PLAGL2: variants seen among roughly 807,000 people sequenced by gnomAD.
PLAGL2 encodes the protein PLAG1 like zinc finger 2, also known as zinc finger protein PLAGL2.
Under a neutral mutation model 29.0 loss-of-function variants are expected in PLAGL2, and 7 were observed. The ratio of observed to expected loss-of-function variants is 0.24; its 90% CI spans 0.14 to 0.45. The LOEUF is 0.45. PLAGL2 is among the 20% of genes least tolerant of loss of function. PLAGL2 has a pLI of 0.99. For missense variants in PLAGL2, 454 were observed against 648.2 expected (o/e 0.70, Z 3.25); for synonymous variants, 234 against 266.0 (o/e 0.88, Z 1.17).
chr20:32,197,096 C>T lies in PLAGL2; in HGVS notation c.847G>A (p.Val283Ile), dbSNP rs765359201. The change falls in exon 3 of 3, where the codon GTA (valine) becomes ATA (isoleucine). Residue 283 changes from valine (V) to isoleucine (I), a missense_variant. Val to Ile is a conservative substitution (Grantham distance 29). This residue lies in a region of PLAGL2 where 247 missense variants were observed against 350.3 expected (regional missense o/e 0.71). Coordinates refer to ENST00000246229, the MANE Select transcript of PLAGL2 (RefSeq NM_002657.3). The surrounding 1 kb of genome is among the most constrained non-coding windows in gnomAD (Gnocchi z 6.6). ...SPVLCMASRD[V>I]MGTKAFPGML... ...CCAGGGAAGGCCTTGGTCCCCATTA[C>T]GTCCCGAGAGGCCATGCACAGCACA... 35 of 1,614,082 alleles carry T rather than the reference C, an allele frequency of 2.2e-5. No homozygotes were observed. In the Admixed American group the frequency reaches 2.5e-4, roughly 12 times the overall value.
At chr20:32,200,616 A>T (rs1405908753) in intron 2 of PLAGL2, among the ~76,000 whole-genome samples, 1 of 151,246 alleles carries the variant, frequency 6.6e-6, no homozygotes, top group Admixed American at 6.6e-5. Flanking sequence ...TTTTTGAGAC[A>T]GTCTTGCTCT....
chr20:32,192,782 A>T lies in PLAGL2; in HGVS notation c.*3670T>A, dbSNP rs1478934601. 1 of 152,624 alleles carries T rather than the reference A, an allele frequency of 6.6e-6. No homozygotes were observed. Among genetic ancestry groups the T allele is most frequent in the Non-Finnish European group, 1.5e-5 (1 of 68,038 alleles). The allele number at this position is 152,624 out of a possible 1,614,324, so 9.5% of individuals were successfully genotyped here. The stretch of plus-strand genomic sequence containing the variant: ...ACAAAAGAGTGGCTCCAAAGCCTTG[A>T]CCGCTGGTAGGGAGGGAGAAGCATG... On this transcript the variant is annotated 3_prime_UTR_variant, in exon 3 of 3. Coordinates refer to ENST00000246229, the MANE Select transcript of PLAGL2 (RefSeq NM_002657.3).
rs1256940757 is a variant in PLAGL2, at chr20:32,197,229, G to C, written c.714C>G (p.Val238=). 1.9e-6 allele frequency: 3 copies of C among 1,614,166 alleles called. No individual in the cohort carries two copies. Among genetic ancestry groups the C allele is most frequent in the African/African-American group, 2.7e-5 (2 of 75,048 alleles). ...GCAGCTCCTGCGAGTGGCTCTTCTT[G>C]ACATGACGCGTCAGGTGGTCCTTAC... ...FGRKDHLTRH[V]KKSHSQELLK... The change falls in exon 3 of 3, where the codon GTC becomes GTG. Residue 238 remains valine (V), a synonymous_variant. Transcript: ENST00000246229. The surrounding 1 kb of genome is among the most constrained non-coding windows in gnomAD (Gnocchi z 6.6).
At chr20:32,198,130 T>C (rs2047239945) in intron 2 of PLAGL2, among the ~76,000 whole-genome samples, 1 of 152,208 alleles carries the variant, frequency 6.6e-6, no homozygotes, top group Non-Finnish European at 1.5e-5. Context: ...TTTGCTTGTA[T>C]ATGGCTAAAA....
chr20:32,197,351 G>A lies in PLAGL2; in HGVS notation c.592C>T (p.Arg198Trp). The change falls in exon 3 of 3, where the codon CGG (arginine) becomes TGG (tryptophan). Residue 198 changes from arginine (R) to tryptophan (W), a missense_variant. Arg to Trp is a moderately radical substitution (Grantham distance 101). Transcript: ENST00000246229. This position sits in a 1 kb window ranked among gnomAD's most constrained non-coding sequence, Gnocchi z 6.6. The part of the protein sequence containing the change: ...EKKHPCDHCD[R>W]RFYTRKDVRR... ...ACATCCTTACGAGTATAGAACCGCC[G>A]GTCGCAGTGGTCACAGGGGTGCTTC... is the stretch of plus-strand genomic sequence containing the variant. The A allele has an allele frequency of 3.1e-6, 5 of 1,603,582 alleles. No homozygotes were observed. Among genetic ancestry groups the A allele is most frequent in the Non-Finnish European group, 3.4e-6 (4 of 1,175,112 alleles).
In PLAGL2 at chr20:32,200,570, C is replaced by T. The variant is rs533732251; in HGVS notation, c.260+1349G>A. Among the ~76,000 whole-genome samples, 6 of 151,604 alleles carry T rather than the reference C, an allele frequency of 4.0e-5. No individual in the cohort carries two copies. In the East Asian group the frequency reaches 5.9e-4, roughly 15 times the overall value. On this transcript the variant is annotated intron_variant, in intron 2 of 2. Transcript: ENST00000246229. Reference sequence around the variant, plus strand: ...GGGCAAGTTCATGGTTCCTCTAATGCGAAAAGGATAAAATCAAAATTGCTC... The same window carrying T: ...GGGCAAGTTCATGGTTCCTCTAATGTGAAAAGGATAAAATCAAAATTGCTC...
intron 1 of PLAGL2, among the ~76,000 whole-genome samples, chr20:32,206,518 G>A (rs1569144839): frequency 6.6e-6 from 1 of 152,202 alleles, no homozygotes; most frequent in Non-Finnish European, 1.5e-5. Context: ...TTTTCATGGG[G>A]AGAAAACGTG....
At chr20:32,199,366 C>A (rs1292764389) in intron 2 of PLAGL2, among the ~76,000 whole-genome samples, 1 of 152,178 alleles carries the variant, frequency 6.6e-6, no homozygotes, top group African/African-American at 2.4e-5. Flanking sequence ...GAGGGAGGTG[C>A]TGAGTGATCC....
chr20:32,201,060 G>C (rs527570914), intron 2 of PLAGL2, among the ~76,000 whole-genome samples: 1 of 152,330 alleles, frequency 6.6e-6, no homozygotes, highest in South Asian at 2.1e-4. Flanking sequence ...CAGGGAGACA[G>C]ACATAGTTAA....
Position 32,192,954 on chromosome 20 carries a change from A to C in PLAGL2, c.*3498T>G, listed in dbSNP as rs2047208780. On this transcript the variant is annotated 3_prime_UTR_variant, in exon 3 of 3. Transcript: ENST00000246229. ...GAGGCACTAGGTTATCATGGTGAAC[A>C]CCCTTTTCCCTCGCCATAGACCCTA... 6.6e-6 allele frequency: 1 copy of C among 152,414 alleles called. No individual in the cohort carries two copies. Among genetic ancestry groups the C allele is most frequent in the African/African-American group, 2.4e-5 (1 of 41,350 alleles). 9.4% of individuals were successfully genotyped at this position (152,414 alleles called of 1,614,324 possible).
At chr20:32,206,982 C>T (rs1407013) in intron 1 of PLAGL2, among the ~76,000 whole-genome samples, 103,972 of 151,848 alleles carry the variant, frequency 0.68, 37,562 homozygotes, top group East Asian at 0.99. Flanking sequence ...ATTATAAGGG[C>T]TGGAAGGCTG....
intron 2 of PLAGL2, among the ~76,000 whole-genome samples, chr20:32,198,756 G>A (rs990371095): frequency 1.3e-5 from 2 of 152,168 alleles, no homozygotes; most frequent in African/African-American, 2.4e-5. Context: ...AAAAAAGAAA[G>A]AGAATATACA....
At position 32,197,842 on chromosome 20, in the gene PLAGL2, TTG is replaced by T. The variant is rs2047238547; in HGVS notation, c.261-162_261-161del. On this transcript the variant is annotated intron_variant, in intron 2 of 2. Transcript: ENST00000246229. The surrounding 1 kb of genome is among the most constrained non-coding windows in gnomAD (Gnocchi z 6.6). Reference sequence around the variant, plus strand: ...AACCAGTTATATTCTACAGATATCCTTGCCTATCTGCAAAATAATGTGTACCG... The same window carrying T: ...AACCAGTTATATTCTACAGATATCCTCCTATCTGCAAAATAATGTGTACCG... 2.6e-5 allele frequency among the ~76,000 whole-genome samples: 4 copies of T among 152,362 alleles called. No homozygotes were observed. The South Asian group carries it at 8.3e-4, about 32-fold the overall frequency.
In PLAGL2 at chr20:32,202,001, G is replaced by C. The variant is rs762533924; in HGVS notation, c.178C>G (p.Leu60Val). The C allele has an allele frequency of 1.2e-6, 2 of 1,614,124 alleles. No homozygotes were observed. Among genetic ancestry groups the C allele is most frequent in the East Asian group, 4.5e-5 (2 of 44,882 alleles). The stretch of plus-strand genomic sequence containing the variant: ...TATGGTCTCTGCTCTGGTTGCGGGA[G>C]GCTGTGAGGCCTCAGCTTCTCCCCA... ...SNGEKLRPHS[L>V]PQPEQRPYSC... Residue 60 changes from leucine to valine, a missense_variant, in exon 2 of 3, where the codon CTC becomes GTC. Leu to Val is a conservative substitution (Grantham distance 32). Around this residue, in one of 4 missense-constraint regions of PLAGL2, gnomAD observed 89 missense variants for 90.4 expected, o/e 0.98. Transcript: ENST00000246229.
Position 32,194,547 on chromosome 20 carries a change from A to G in PLAGL2, c.*1905T>C, listed in dbSNP as rs2047218001. On this transcript the variant is annotated 3_prime_UTR_variant, in exon 3 of 3. Transcript: ENST00000246229. ...ACACACTTACTCCAAATTGCTTCTAATCAAGAGCTAGGGAGCTAAATTTTA... is the reference window on the plus strand; with the variant it reads ...ACACACTTACTCCAAATTGCTTCTAGTCAAGAGCTAGGGAGCTAAATTTTA... 6.6e-6 allele frequency: 1 copy of G among 152,644 alleles called. No homozygotes were observed. Among genetic ancestry groups the G allele is most frequent in the Admixed American group, 6.5e-5 (1 of 15,280 alleles). 9.5% of individuals were successfully genotyped at this position (152,644 alleles called of 1,614,324 possible).
chr20:32,201,995 G>T lies in PLAGL2; in HGVS notation c.184C>A (p.Gln62Lys). 1 of 1,614,076 alleles carries T rather than the reference G, an allele frequency of 6.2e-7. No homozygotes were observed. The highest frequency in any genetic ancestry group is 8.5e-7 in the Non-Finnish European group (1 of 1,179,892). ...CAGCTATATGGTCTCTGCTCTGGTT[G>T]CGGGAGGCTGTGAGGCCTCAGCTTC... ...GEKLRPHSLP[Q>K]PEQRPYSCPQ... The change falls in exon 2 of 3, where the codon CAA (glutamine) becomes AAA (lysine). Residue 62 changes from glutamine (Q) to lysine (K), a missense_variant. By Grantham distance (53) the Gln-to-Lys change is moderately conservative (BLOSUM62 1). This residue lies in a region of PLAGL2 where 89 missense variants were observed against 90.4 expected (regional missense o/e 0.98). Coordinates refer to ENST00000246229, the MANE Select transcript of PLAGL2 (RefSeq NM_002657.3).
intron 1 of PLAGL2, 90 bp from the exon 2 acceptor site, chr20:32,202,382 C>G: frequency 1.7e-6 from 1 of 588,744 alleles, no homozygotes. Context: ...AATCCCAGCC[C>G]TTCCACTTAG....
intron 2 of PLAGL2, among the ~76,000 whole-genome samples, chr20:32,199,992 G>A (rs946456200): frequency 6.6e-6 from 1 of 152,140 alleles, no homozygotes; most frequent in East Asian, 1.9e-4. Flanking sequence ...GCCTATTTTA[G>A]TCCCTTCCTA....
rs2047224066 is a variant in PLAGL2, at chr20:32,195,681, T to G, written c.*771A>C. The G allele has an allele frequency of 6.6e-6, 1 of 152,568 alleles. No homozygotes were observed. The allele number at this position is 152,568 out of a possible 1,614,324, so 9.5% of individuals were successfully genotyped here. ...AAATGTGACCTCAAATGAAGAGAAG[T>G]CAGCAAGCCCCGACTCCACCTTGTA... On this transcript the variant is annotated 3_prime_UTR_variant, in exon 3 of 3. Coordinates refer to ENST00000246229, the MANE Select transcript of PLAGL2 (RefSeq NM_002657.3).
Sources: gnomAD v4.1 joint callset for allele counts (sites outside exome capture counted in the v4.1 genomes callset) on GRCh38, gnomAD v4.1.1 for gene constraint, gnomAD v4.1.1 regional missense constraint, Gnocchi (gnomAD v3.1) non-coding constraint, MANE v1.5 for transcripts, NCBI Gene and HGNC (gene_info 2026-07-23, HGNC 2026-07-21) for gene names.